SOX6: variants seen among roughly 807,000 people sequenced by gnomAD.
SOX6 encodes the protein transcription factor SOX-6.
In SOX6, 11 loss-of-function variants were observed where a neutral mutation model predicts 97.8. That is an observed-to-expected ratio of 0.11 (90% CI 0.07 to 0.19). The LOEUF (loss-of-function observed/expected upper bound fraction) is 0.19. Among genes scored for constraint, SOX6 ranks in the 10% least tolerant of loss-of-function variants. The probability of loss-of-function intolerance (pLI) is 1.00; values close to 1 mark genes in which losing one functional copy is unlikely to be tolerated. For missense variants in SOX6, 810 were observed against 1,039.5 expected (o/e 0.78, Z 3.04); for synonymous variants, 360 against 371.4 (o/e 0.97, Z 0.35).
chr11:16,135,698 T>G (rs1236658834), intron 6 of SOX6, among the ~76,000 whole-genome samples: 2 of 152,208 alleles, frequency 1.3e-5, no homozygotes, highest in East Asian at 1.9e-4. Context: ...TCTTGAGAGA[T>G]AATCTACTGA....
chr11:16,457,677 C>T (rs1859835539), intron 1 of SOX6, among the ~76,000 whole-genome samples: 1 of 151,972 alleles, frequency 6.6e-6, no homozygotes, highest in Admixed American at 6.6e-5. Flanking sequence ...AAAGCCTACA[C>T]CATGTTTGCA....
At chr11:16,047,347 C>T (rs1303614818) in intron 11 of SOX6, among the ~76,000 whole-genome samples, 1 of 152,042 alleles carries the variant, frequency 6.6e-6, no homozygotes, top group African/African-American at 2.4e-5. Flanking sequence ...AAGAGAATGA[C>T]AACCCATTCC....
intron 3 of SOX6, among the ~76,000 whole-genome samples, chr11:16,625,001 A>G (rs1400532126): frequency 6.6e-6 from 1 of 152,120 alleles, no homozygotes; most frequent in African/African-American, 2.4e-5. Context: ...GAGTTGTAGA[A>G]TTGCTTATAA....
At chr11:16,013,796 T>C (rs1854803259) in intron 13 of SOX6, among the ~76,000 whole-genome samples, 1 of 151,988 alleles carries the variant, frequency 6.6e-6, no homozygotes, top group Non-Finnish European at 1.5e-5. Flanking sequence ...TGTCTAATAC[T>C]ATTCATCTCT....
intron 4 of SOX6, among the ~76,000 whole-genome samples, chr11:16,562,787 G>A (rs1204015415): frequency 6.6e-6 from 1 of 152,090 alleles, no homozygotes; most frequent in Non-Finnish European, 1.5e-5. Flanking sequence ...TTGACCAACA[G>A]TAATGAGGCC....
intron 6 of SOX6, among the ~76,000 whole-genome samples, chr11:16,144,769 C>T (rs567067905): frequency 2.6e-5 from 4 of 152,068 alleles, no homozygotes; most frequent in Non-Finnish European, 4.4e-5. Flanking sequence ...ATAAATTCCT[C>T]GACACATACA....
chr11:16,347,103 G>A (rs1258211416), intron 1 of SOX6, among the ~76,000 whole-genome samples: 1 of 152,080 alleles, frequency 6.6e-6, no homozygotes, highest in African/African-American at 2.4e-5. Flanking sequence ...TCCTGATAAT[G>A]TTACATCACG....
Position 16,015,048 on chromosome 11 carries a change from T to G in SOX6, c.1626A>C (p.Glu542Asp). Reference protein sequence around the residue: ...MGLNSCRNEKERTRFENLGPQ... With the variant: ...MGLNSCRNEKDRTRFENLGPQ... ...GCCCCAAATTCTCAAAGCGCGTTCT[T>G]TCCTAGAGGAACAAATAATCAGAGG... The change falls in exon 13 of 16, where the codon GAA becomes GAC. Residue 542 changes from glutamate to aspartate, a missense_variant and splice_region_variant. Physicochemically the swap from Glu to Asp is conservative, Grantham distance 45. Around this residue, in one of 9 missense-constraint regions of SOX6, gnomAD observed 120 missense variants for 127.0 expected, o/e 0.94. Coordinates refer to ENST00000683767, the MANE Select transcript of SOX6 (RefSeq NM_001367873.1). 1 of 1,612,374 alleles carries G rather than the reference T, an allele frequency of 6.2e-7. No homozygotes were observed. Among genetic ancestry groups the G allele is most frequent in the Non-Finnish European group, 8.5e-7 (1 of 1,178,904 alleles).
At chr11:16,233,860 A>C (rs2134174700) in intron 4 of SOX6, among the ~76,000 whole-genome samples, 1 of 152,050 alleles carries the variant, frequency 6.6e-6, no homozygotes, top group East Asian at 1.9e-4. Context: ...TACAAAAATT[A>C]ACTGGGCGTG....
intron 4 of SOX6, among the ~76,000 whole-genome samples, chr11:16,502,896 AG>A (rs1860729803): frequency 6.6e-6 from 1 of 152,204 alleles, no homozygotes; most frequent in African/African-American, 2.4e-5. Flanking sequence ...CAAGTTAAAA[AG>A]GTCTTCTCCA....
At chr11:16,185,358 T>G (rs906934757) in intron 5 of SOX6, among the ~76,000 whole-genome samples, 1 of 152,202 alleles carries the variant, frequency 6.6e-6, no homozygotes, top group East Asian at 1.9e-4. Context: ...CTGGATCCTC[T>G]GAATATTTAT....
chr11:15,973,165 G>A (rs1853369360), intron 15 of SOX6, 53 bp from the exon 16 acceptor site: 1 of 1,558,356 alleles, frequency 6.4e-7, no homozygotes, highest in Admixed American at 1.7e-5. Context: ...CTATATATGT[G>A]CTATGTACAG....
chr11:16,064,421 C>G (rs1408803233), intron 9 of SOX6, among the ~76,000 whole-genome samples: 1 of 150,892 alleles, frequency 6.6e-6, no homozygotes, highest in East Asian at 1.9e-4. Context: ...CCAGAATCCA[C>G]CCCGGAAAGA....
intron 4 of SOX6, among the ~76,000 whole-genome samples, chr11:16,596,311 G>A (rs1590000030): frequency 2.0e-5 from 3 of 152,192 alleles, no homozygotes; most frequent in African/African-American, 7.2e-5. Flanking sequence ...ACCTTAAAAT[G>A]CACTCACAAT....
intron 11 of SOX6, among the ~76,000 whole-genome samples, chr11:16,047,328 T>C (rs144705444): frequency 2.6e-5 from 4 of 152,222 alleles, no homozygotes; most frequent in Non-Finnish European, 5.9e-5. Flanking sequence ...GCTGCCTCAG[T>C]TATTTACCAA....
chr11:16,259,066 A>G (rs1853789973), intron 3 of SOX6, among the ~76,000 whole-genome samples: 1 of 151,984 alleles, frequency 6.6e-6, no homozygotes, highest in African/African-American at 2.4e-5. Context: ...ATTTGGTTGT[A>G]TATATAGAAA....
intron 2 of SOX6, among the ~76,000 whole-genome samples, chr11:16,332,136 C>A (rs573712618): frequency 6.6e-6 from 1 of 152,134 alleles, no homozygotes; most frequent in East Asian, 1.9e-4. Context: ...ATGAGAGAAT[C>A]ATCTTTAGTA....
At chr11:16,209,434 A>G (rs1050548892) in intron 4 of SOX6, among the ~76,000 whole-genome samples, 9 of 152,134 alleles carry the variant, frequency 5.9e-5, no homozygotes, top group African/African-American at 2.2e-4. Context: ...TAGACACTCA[A>G]ATATGTGTGA....
chr11:16,734,503 CCTT>C (rs1564880587), intron 2 of SOX6, among the ~76,000 whole-genome samples: 2 of 152,102 alleles, frequency 1.3e-5, no homozygotes, highest in Non-Finnish European at 2.9e-5. Flanking sequence ...TAAATCTTCT[CCTT>C]CTTGTTCTTT....
Sources: gnomAD v4.1 joint callset for allele counts (sites outside exome capture counted in the v4.1 genomes callset) on GRCh38, gnomAD v4.1.1 for gene constraint, gnomAD v4.1.1 regional missense constraint, MANE v1.5 for transcripts, NCBI Gene and HGNC (gene_info 2026-07-23, HGNC 2026-07-21) for gene names.